The following FAT3 variants were observed in gnomAD, a reference collection of about 807,000 sequenced individuals.
FAT3 encodes protocadherin Fat 3.
A neutral mutation model predicts 310.2 loss-of-function variants in FAT3; 95 were observed. The observed-to-expected ratio is 0.31, with a 90% CI of 0.26 to 0.36. The LOEUF is 0.36. Ranked by LOEUF, FAT3 falls within the 10% of genes least tolerant of loss-of-function variation. The pLI is 1.00. For synonymous variants in FAT3, 2,314 were observed against 2,192.9 expected (o/e 1.06, Z -1.54); for missense variants, 5,408 against 5,715.6 (o/e 0.95, Z 1.74).
At chr11:92,611,512 A>T (rs525323) in intron 3 of FAT3, among the ~76,000 whole-genome samples, 85,395 of 152,060 alleles carry the variant, frequency 0.56, 25,401 homozygotes, top group African/African-American at 0.76. Context: ...GGTTCAAGCG[A>T]TTCTTGTGCC....
At chr11:92,873,222 G>A (rs76944143) in intron 22 of FAT3, among the ~76,000 whole-genome samples, 1 of 152,094 alleles carries the variant, frequency 6.6e-6, no homozygotes, top group Non-Finnish European at 1.5e-5. Flanking sequence ...GTTCCTAGAG[G>A]TCAGGCCATG....
chr11:92,260,168 C>A (rs998744872), intron 1 of FAT3, among the ~76,000 whole-genome samples: 1 of 152,242 alleles, frequency 6.6e-6, no homozygotes, highest in Middle Eastern at 3.4e-3. Flanking sequence ...CTCTCTACCC[C>A]TTTCTGTTCG....
At chr11:92,743,168 A>G (rs544528425) in intron 4 of FAT3, among the ~76,000 whole-genome samples, 1 of 152,314 alleles carries the variant, frequency 6.6e-6, no homozygotes, top group Admixed American at 6.5e-5. Context: ...TACTCCAATC[A>G]TGTACATTGT....
intron 24 of FAT3, among the ~76,000 whole-genome samples, chr11:92,884,880 G>A (rs1175287803): frequency 6.6e-6 from 1 of 152,210 alleles, no homozygotes; most frequent in Non-Finnish European, 1.5e-5. Flanking sequence ...AGAACAGAGA[G>A]GATGGTCAAA....
chr11:92,238,493 G>T (rs77525194), intron 1 of FAT3, among the ~76,000 whole-genome samples: 4,040 of 152,004 alleles, frequency 0.027, 183 homozygotes, highest in African/African-American at 0.093. Flanking sequence ...AGCAGGTTTT[G>T]TTTGTTTGTT....
At chr11:92,467,133 C>G (rs1413113467) in intron 2 of FAT3, among the ~76,000 whole-genome samples, 1 of 152,086 alleles carries the variant, frequency 6.6e-6, no homozygotes, top group Non-Finnish European at 1.5e-5. Flanking sequence ...ATTTCTAGTT[C>G]TAGATCCCTG....
At chr11:92,366,664 A>T in intron 2 of FAT3, 3 of 534,684 alleles carry the variant, frequency 5.6e-6, no homozygotes, top group South Asian at 4.2e-5. Flanking sequence ...GACCTTCCAC[A>T]TGCTTGACAA....
At chr11:92,513,111 G>A in intron 2 of FAT3, among the ~76,000 whole-genome samples, 1 of 36,602 alleles carries the variant, frequency 2.7e-5, no homozygotes, top group Non-Finnish European at 4.7e-5. Flanking sequence ...GACAGAGCTA[G>A]ACTCCGTCTC....
chr11:92,256,593 A>C (rs1865328290), intron 1 of FAT3, among the ~76,000 whole-genome samples: 1 of 152,142 alleles, frequency 6.6e-6, no homozygotes, highest in Non-Finnish European at 1.5e-5. Flanking sequence ...TGTGTAAACC[A>C]AGCCCTTTCT....
chr11:92,625,178 A>T (rs1941272084), intron 3 of FAT3, among the ~76,000 whole-genome samples: 1 of 152,228 alleles, frequency 6.6e-6, no homozygotes, highest in South Asian at 2.1e-4. Flanking sequence ...GTTTCATGCT[A>T]TGCTGCCCAT....
At chr11:92,831,532 G>A in intron 13 of FAT3, 90 bp from the exon 14 acceptor site, 2 of 1,081,040 alleles carry the variant, frequency 1.9e-6, no homozygotes, top group Non-Finnish European at 2.6e-6. Flanking sequence ...TCTTGTTGTG[G>A]CCCTTCAAAA....
intron 2 of FAT3, among the ~76,000 whole-genome samples, chr11:92,402,742 AGAAAG>A (rs1950047015): frequency 2.7e-5 from 4 of 150,744 alleles, no homozygotes. Flanking sequence ...AAAAAAAAAA[AGAAAG>A]AAAGAAAAGA....
intron 2 of FAT3, among the ~76,000 whole-genome samples, chr11:92,387,724 G>A (rs754065696): frequency 7.2e-5 from 11 of 152,150 alleles, no homozygotes; most frequent in South Asian, 2.1e-4. Context: ...AGGTTAAGGC[G>A]AGAAGATCCT....
At chr11:92,437,050 G>A (rs113228593) in intron 2 of FAT3, among the ~76,000 whole-genome samples, 6 of 152,240 alleles carry the variant, frequency 3.9e-5, no homozygotes, top group African/African-American at 1.4e-4. Context: ...AGTAGTAATA[G>A]CAATGACATT....
chr11:92,731,237 A>T (rs901624997), intron 4 of FAT3, among the ~76,000 whole-genome samples: 2 of 152,172 alleles, frequency 1.3e-5, no homozygotes, highest in Non-Finnish European at 2.9e-5. Context: ...TGAATAGATC[A>T]TTTGTTCATT....
rs1307949613 is a variant in FAT3 at position 92,686,062 on chromosome 11, G to A, written c.3608-11322G>A. Among the ~76,000 whole-genome samples, 3 of 152,128 alleles carry A rather than the reference G, an allele frequency of 2.0e-5. No homozygotes were observed. The East Asian group carries it at 5.8e-4, about 29-fold the overall frequency. ...GTGTTACAGAGGAAGAAACTGAGGT[G>A]CACATTTTTAAAGACTTGCCCAAAG... On this transcript the variant is annotated intron_variant, in intron 3 of 27. Transcript: ENST00000525166.
chr11:92,442,263 G>A (rs183140745), intron 2 of FAT3, among the ~76,000 whole-genome samples: 3,900 of 148,192 alleles, frequency 0.026, 60 homozygotes, highest in Non-Finnish European at 0.032. Context: ...ACAGGCACCC[G>A]CCACCACGCC....
chr11:92,815,260 G>A (rs1030563800), intron 13 of FAT3, among the ~76,000 whole-genome samples: 2 of 151,896 alleles, frequency 1.3e-5, no homozygotes, highest in Non-Finnish European at 2.9e-5. Flanking sequence ...AATGAGAGTG[G>A]TGGCTTTGAG....
chr11:92,290,679 G>C (rs796554059), intron 1 of FAT3, among the ~76,000 whole-genome samples: 1 of 151,642 alleles, frequency 6.6e-6, no homozygotes, highest in South Asian at 2.1e-4. Context: ...CAGGAGAATC[G>C]CTTGAACCTG....
Sources: allele counts gnomAD v4.1 joint callset (sites outside exome capture counted in the v4.1 genomes callset), GRCh38; gene constraint gnomAD v4.1.1; transcripts MANE v1.5; gene names NCBI Gene and HGNC (gene_info 2026-07-23, HGNC 2026-07-21).